The following LRFN5 variants were observed in gnomAD, a reference collection of about 807,000 sequenced individuals.
LRFN5 encodes leucine rich repeat and fibronectin type III domain containing 5.
Under a neutral mutation model 45.6 loss-of-function variants are expected in LRFN5, and 24 were observed. The observed-to-expected ratio is 0.53, with a 90% CI of 0.38 to 0.74. The LOEUF (loss-of-function observed/expected upper bound fraction) is 0.74. Among genes scored for constraint, LRFN5 ranks in the 30% least tolerant of loss-of-function variants. The probability of loss-of-function intolerance (pLI) is 0.00; values close to 1 mark genes in which losing one functional copy is unlikely to be tolerated. For missense variants in LRFN5, 776 were observed against 861.5 expected, an observed-to-expected ratio of 0.90 and a Z score of 1.24; for synonymous variants, 340 against 313.8, an observed-to-expected ratio of 1.08 and a Z score of -0.88.
At chr14:41,878,166 T>C (rs904516017) in intron 2 of LRFN5, among the ~76,000 whole-genome samples, 1 of 152,112 alleles carries the variant, frequency 6.6e-6, no homozygotes, top group African/African-American at 2.4e-5. Flanking sequence ...GGCATTTCAG[T>C]TTCTAAGCTA....
intron 1 of LRFN5, among the ~76,000 whole-genome samples, chr14:41,735,452 A>AG (rs1468130491): frequency 1.3e-5 from 2 of 151,826 alleles, no homozygotes; most frequent in Non-Finnish European, 1.5e-5. Flanking sequence ...TTTTACTTTT[A>AG]GCAGAGGATG....
At chr14:41,692,541 A>G (rs975865987) in intron 1 of LRFN5, among the ~76,000 whole-genome samples, 6 of 152,008 alleles carry the variant, frequency 3.9e-5, no homozygotes, top group Non-Finnish European at 7.4e-5. Flanking sequence ...CATTAGGTAT[A>G]TCTCCTAATG....
chr14:41,743,251 G>A (rs1037069660), intron 1 of LRFN5, among the ~76,000 whole-genome samples: 2 of 152,132 alleles, frequency 1.3e-5, no homozygotes, highest in African/African-American at 4.8e-5. Flanking sequence ...TAGATTTCTT[G>A]CTTGCAAAAT....
At chr14:41,815,878 C>A (rs1188097542) in intron 2 of LRFN5, among the ~76,000 whole-genome samples, 1 of 152,094 alleles carries the variant, frequency 6.6e-6, no homozygotes, top group Non-Finnish European at 1.5e-5. Context: ...ACATGTAGAT[C>A]ATTGATGTCC....
At chr14:41,649,293 T>C (rs181991927) in intron 1 of LRFN5, among the ~76,000 whole-genome samples, 1 of 151,936 alleles carries the variant, frequency 6.6e-6, no homozygotes. Context: ...ATTTAGTTTT[T>C]AGGCTAGAAT....
intron 2 of LRFN5, among the ~76,000 whole-genome samples, chr14:41,800,673 A>G (rs531033001): frequency 3.3e-5 from 5 of 151,814 alleles, no homozygotes; most frequent in African/African-American, 1.2e-4. Context: ...AATATGTTTT[A>G]AAAAAATTAA....
intron 2 of LRFN5, among the ~76,000 whole-genome samples, chr14:41,852,221 G>A (rs1889292480): frequency 6.6e-6 from 1 of 151,842 alleles, no homozygotes; most frequent in South Asian, 2.1e-4. Context: ...ATCAAATTAT[G>A]TTAATTCACT....
In LRFN5 at chr14:41,666,509, A is replaced by G. The variant is rs533003810; in HGVS notation, c.-197+57947A>G. On this transcript the variant is annotated intron_variant, in intron 1 of 5. Coordinates refer to ENST00000298119, the MANE Select transcript of LRFN5 (RefSeq NM_152447.5). ...CTCCTGCTAAATGGCAAAATGATTC[A>G]TACTATAGATTTTGCATTTTTTTCT... 8.5e-4 allele frequency among the ~76,000 whole-genome samples: 130 copies of G among 152,256 alleles called. 1 individual carries two copies. The highest frequency in any genetic ancestry group is 1.5e-3 in the Non-Finnish European group (99 of 68,002).
At chr14:41,756,172 G>A (rs1005101991) in intron 1 of LRFN5, among the ~76,000 whole-genome samples, 32 of 152,236 alleles carry the variant, frequency 2.1e-4, no homozygotes, top group African/African-American at 7.5e-4. Context: ...TGGGTAAGCC[G>A]ACCTTTCTCT....
Position 41,887,483 on chromosome 14 carries a change from T to G in LRFN5, c.858T>G (p.Pro286=). The G allele has an allele frequency of 6.2e-7, 1 of 1,614,132 alleles. No individual in the cohort carries two copies. Among genetic ancestry groups the G allele is most frequent in the Non-Finnish European group, 8.5e-7 (1 of 1,180,024 alleles). The part of the protein sequence containing the change: ...SIPEEEFLCE[P]PLITRHTHEM... ...CTGAAGAAGAGTTTTTGTGTGAGCC[T>G]CCTCTCATTACTCGTCATACACATG... Residue 286 remains proline, a synonymous_variant, in exon 3 of 6, where the codon CCT becomes CCG. Coordinates refer to ENST00000298119, the MANE Select transcript of LRFN5 (RefSeq NM_152447.5). This position sits in a 1 kb window ranked among gnomAD's most constrained non-coding sequence, Gnocchi z 4.8.
At chr14:41,735,365 T>C (rs1884379518) in intron 1 of LRFN5, among the ~76,000 whole-genome samples, 1 of 152,104 alleles carries the variant, frequency 6.6e-6, no homozygotes, top group Non-Finnish European at 1.5e-5. Context: ...ACTCCTGGGC[T>C]CAAGCAATCT....
intron 1 of LRFN5, among the ~76,000 whole-genome samples, chr14:41,736,546 G>A (rs886900716): frequency 2.0e-5 from 3 of 151,950 alleles, no homozygotes; most frequent in African/African-American, 4.8e-5. Context: ...TCTACACATT[G>A]CCTGTTCACT....
intron 2 of LRFN5, among the ~76,000 whole-genome samples, chr14:41,808,767 A>G (rs1244952764): frequency 6.6e-6 from 1 of 152,118 alleles, no homozygotes; most frequent in African/African-American, 2.4e-5. Flanking sequence ...GTCATTTAAC[A>G]TAATTCACTA....
In LRFN5 at chr14:41,898,560, A is replaced by G. The variant is rs575616877; in HGVS notation, c.2099-357A>G. ...TTTTGCATATTATTCTGATGAATCT[A>G]TATAGATGAAATGTCAACTGTGAGT... On this transcript the variant is annotated intron_variant, in intron 4 of 5. Transcript: ENST00000298119. 5.9e-5 allele frequency among the ~76,000 whole-genome samples: 9 copies of G among 152,110 alleles called. 1 individual carries two copies. In the South Asian group the frequency reaches 1.2e-3, roughly 21 times the overall value.
intron 2 of LRFN5, among the ~76,000 whole-genome samples, chr14:41,815,838 C>T (rs1342271049): frequency 6.6e-6 from 1 of 151,888 alleles, no homozygotes; most frequent in Non-Finnish European, 1.5e-5. Flanking sequence ...TTTCTTGATC[C>T]ACTTTGTTAA....
At chr14:41,707,616 C>T (rs996294303) in intron 1 of LRFN5, among the ~76,000 whole-genome samples, 2 of 151,920 alleles carry the variant, frequency 1.3e-5, no homozygotes, top group Non-Finnish European at 2.9e-5. Flanking sequence ...TACTTCTGGA[C>T]TTTCTCTCTT....
intron 2 of LRFN5, among the ~76,000 whole-genome samples, chr14:41,849,247 A>G (rs1466816418): frequency 6.6e-6 from 1 of 151,980 alleles, no homozygotes; most frequent in African/African-American, 2.4e-5. Context: ...CCAAAAATCT[A>G]GCTACTTATT....
At chr14:41,791,184 T>C (rs1886906121) in intron 2 of LRFN5, among the ~76,000 whole-genome samples, 1 of 151,942 alleles carries the variant, frequency 6.6e-6, no homozygotes, top group African/African-American at 2.4e-5. Flanking sequence ...AGTGTTTTTT[T>C]TAAAAAAAGT....
intron 1 of LRFN5, among the ~76,000 whole-genome samples, chr14:41,705,497 C>T (rs1385058624): frequency 6.6e-6 from 1 of 152,154 alleles, no homozygotes; most frequent in African/African-American, 2.4e-5. Flanking sequence ...GGTGATTACT[C>T]TTACGTCATA....
Sources: gnomAD v4.1 joint callset for allele counts (sites outside exome capture counted in the v4.1 genomes callset) on GRCh38, gnomAD v4.1.1 for gene constraint, Gnocchi (gnomAD v3.1) non-coding constraint, MANE v1.5 for transcripts, NCBI Gene and HGNC (gene_info 2026-07-23, HGNC 2026-07-21) for gene names.